The following ANKRD28 variants were observed in gnomAD, a reference collection of about 807,000 sequenced individuals.
ANKRD28 encodes ankyrin repeat domain 28.
A neutral mutation model predicts 126.5 loss-of-function variants in ANKRD28; 44 were observed. The observed-to-expected ratio is 0.35, with a 90% CI of 0.27 to 0.45. The LOEUF (loss-of-function observed/expected upper bound fraction) is 0.45, where lower values mean the gene tolerates loss of function less well. Among genes scored for constraint, ANKRD28 ranks in the 20% least tolerant of loss-of-function variants. The pLI, the probability that ANKRD28 is intolerant of heterozygous loss-of-function variation, is 1.00. For synonymous variants in ANKRD28, 442 were observed against 468.5 expected (o/e 0.94, Z 0.73); for missense variants, 1,110 against 1,316.6 (o/e 0.84, Z 2.43).
At position 15,708,052 on chromosome 3, in the gene ANKRD28, G is replaced by C; in HGVS notation, c.1419C>G (p.His473Gln). Residue 473 changes from histidine (H) to glutamine (Q), a missense_variant, in exon 14 of 28, where the codon CAC (histidine) becomes CAG (glutamine). His to Gln is a conservative substitution (Grantham distance 24, BLOSUM62 0). Coordinates refer to ENST00000683139, the MANE Select transcript of ANKRD28 (RefSeq NM_001349278.2). The part of the protein sequence containing the change: ...KKDKFGRSPL[H>Q]YAAANCNYQC... ...GGTAATTGCAGTTGGCAGCAGCGTA[G>C]TGCAGTGGAGATCTTTTGGGTCCAA... The C allele has an allele frequency of 6.2e-7, 1 of 1,604,920 alleles. No homozygotes were observed.
At chr3:15,715,644 T>C (rs1331302884) in intron 8 of ANKRD28, among the ~76,000 whole-genome samples, 1 of 152,192 alleles carries the variant, frequency 6.6e-6, no homozygotes, top group African/African-American at 2.4e-5. Context: ...TAAGCATGAA[T>C]CTCAGATCTC....
chr3:15,677,885 T>C (rs1320403783), intron 24 of ANKRD28, among the ~76,000 whole-genome samples: 1 of 152,194 alleles, frequency 6.6e-6, no homozygotes, highest in East Asian at 1.9e-4. Flanking sequence ...GTAGATACTG[T>C]TATTTTTCTC....
At chr3:15,825,268 G>A (rs1288418439) in intron 1 of ANKRD28, among the ~76,000 whole-genome samples, 1 of 152,220 alleles carries the variant, frequency 6.6e-6, no homozygotes, top group Non-Finnish European at 1.5e-5. Flanking sequence ...CAGACGATAG[G>A]CATGAGGTTG....
At chr3:15,821,455 G>A (rs759545927) in intron 1 of ANKRD28, among the ~76,000 whole-genome samples, 2 of 151,980 alleles carry the variant, frequency 1.3e-5, no homozygotes, top group Non-Finnish European at 2.9e-5. Flanking sequence ...CTTTTTCATG[G>A]CTCAAGATAA....
chr3:15,848,911 A>G (rs975617162), intron 1 of ANKRD28, among the ~76,000 whole-genome samples: 1 of 152,222 alleles, frequency 6.6e-6, no homozygotes, highest in African/African-American at 2.4e-5. Context: ...GAAAGAAAAA[A>G]GCAAAATTAT....
intron 1 of ANKRD28, among the ~76,000 whole-genome samples, chr3:15,821,771 G>A (rs961629879): frequency 4.6e-5 from 7 of 152,188 alleles, no homozygotes; most frequent in Admixed American, 3.9e-4. Flanking sequence ...CACATCTGGT[G>A]CCTGTTGTGG....
At chr3:15,756,290 T>C (rs768100337) in intron 3 of ANKRD28, among the ~76,000 whole-genome samples, 6 of 152,222 alleles carry the variant, frequency 3.9e-5, no homozygotes, top group Non-Finnish European at 7.3e-5. Context: ...ACCACAGTTA[T>C]AGATTATATA....
intron 1 of ANKRD28, among the ~76,000 whole-genome samples, chr3:15,805,803 AT>A (rs2060564951): frequency 6.6e-6 from 1 of 152,204 alleles, no homozygotes; most frequent in Non-Finnish European, 1.5e-5. Context: ...TGGTTACAAA[AT>A]GTTTACCTTT....
At chr3:15,672,976 A>C (rs1022866712) in intron 27 of ANKRD28, among the ~76,000 whole-genome samples, 1 of 152,122 alleles carries the variant, frequency 6.6e-6, no homozygotes, top group African/African-American at 2.4e-5. Flanking sequence ...GGGTTTTGCC[A>C]TGTTGGCGGG....
chr3:15,795,321 A>G lies in ANKRD28; in HGVS notation c.118-15T>C. 6.4e-7 allele frequency: 1 copy of G among 1,567,986 alleles called. No individual in the cohort carries two copies. On this transcript the variant is annotated splice_polypyrimidine_tract_variant and intron_variant, in intron 1 of 27. Transcript: ENST00000683139. ...ACCAGTGATGGCTAAAATAGAAGAG[A>G]GTAATAAAAACATTAGAATCATCCA...
intron 2 of ANKRD28, among the ~76,000 whole-genome samples, chr3:15,787,104 A>G (rs992396651): frequency 4.6e-5 from 7 of 152,294 alleles, no homozygotes; most frequent in African/African-American, 1.7e-4. Context: ...GAAATAAATT[A>G]TAAAGAATGA....
chr3:15,820,336 T>C (rs569551663), intron 1 of ANKRD28, among the ~76,000 whole-genome samples: 1 of 152,302 alleles, frequency 6.6e-6, no homozygotes, highest in South Asian at 2.1e-4. Context: ...CAGTCTTTCT[T>C]AAAAACAAAC....
chr3:15,729,188 A>G (rs1406024577), intron 6 of ANKRD28, among the ~76,000 whole-genome samples: 1 of 152,222 alleles, frequency 6.6e-6, no homozygotes, highest in African/African-American at 2.4e-5. Context: ...CTGGAAGGTG[A>G]GAGGACCACT....
At chr3:15,789,080 G>C (rs1419843484) in intron 2 of ANKRD28, among the ~76,000 whole-genome samples, 1 of 151,516 alleles carries the variant, frequency 6.6e-6, no homozygotes, top group South Asian at 2.1e-4. Flanking sequence ...CCCTTTTATG[G>C]TTTACAGTGC....
intron 1 of ANKRD28, among the ~76,000 whole-genome samples, chr3:15,821,625 A>G (rs977761532): frequency 8.5e-5 from 13 of 152,210 alleles, no homozygotes; most frequent in Non-Finnish European, 1.9e-4. Context: ...GAATTCAATT[A>G]AAACCTTATA....
chr3:15,809,986 A>C (rs923555014), intron 1 of ANKRD28, among the ~76,000 whole-genome samples: 1 of 152,114 alleles, frequency 6.6e-6, no homozygotes. Context: ...CTCATCCACA[A>C]AATGTATAGG....
Position 15,724,509 on chromosome 3 carries a change from A to G in ANKRD28, c.656T>C (p.Val219Ala), listed in dbSNP as rs1407077842. Residue 219 changes from valine (V) to alanine (A), a missense_variant, in exon 7 of 28, where the codon GTG (valine) becomes GCG (alanine). By Grantham distance (64) the Val-to-Ala change is moderately conservative (BLOSUM62 0). Coordinates refer to ENST00000683139, the MANE Select transcript of ANKRD28 (RefSeq NM_001349278.2). The stretch of plus-strand genomic sequence containing the variant: ...AGCTCCATGCGACACAAGCAATTTC[A>G]CTACTTCAATGTGACCTAAAAATGT... Reference protein sequence around the residue: ...WAAYMGHIEVVKLLVSHGAEV... With the variant: ...WAAYMGHIEVAKLLVSHGAEV... 1 of 1,584,498 alleles carries G rather than the reference A, an allele frequency of 6.3e-7. No homozygotes were observed. Among genetic ancestry groups the G allele is most frequent in the Admixed American group, 1.8e-5 (1 of 55,230 alleles).
chr3:15,832,926 C>A (rs984507433), intron 1 of ANKRD28, among the ~76,000 whole-genome samples: 1 of 151,404 alleles, frequency 6.6e-6, no homozygotes, highest in Non-Finnish European at 1.5e-5. Flanking sequence ...TGATTTCTTT[C>A]CCTTAGGGTA....
At chr3:15,831,943 C>T (rs1161431773) in intron 1 of ANKRD28, among the ~76,000 whole-genome samples, 1 of 152,176 alleles carries the variant, frequency 6.6e-6, no homozygotes, top group Non-Finnish European at 1.5e-5. Flanking sequence ...TGGGAGTATA[C>T]ATCAAAATAA....
Sources: gnomAD v4.1 joint callset for allele counts (sites outside exome capture counted in the v4.1 genomes callset) on GRCh38, gnomAD v4.1.1 for gene constraint, MANE v1.5 for transcripts, NCBI Gene and HGNC (gene_info 2026-07-23, HGNC 2026-07-21) for gene names.